Variants in NIN observed in about 807,000 individuals in gnomAD.
NIN encodes ninein.
NIN carries 137 observed loss-of-function variants against 257.6 expected under a neutral mutation model. The ratio of observed to expected loss-of-function variants is 0.53; its 90% CI spans 0.46 to 0.61. NIN has a LOEUF of 0.61. Ranked by LOEUF, NIN falls within the 20% of genes least tolerant of loss-of-function variation. NIN has a pLI of 0.00. For synonymous variants in NIN, 918 were observed against 919.8 expected (o/e 1.00, Z 0.04); for missense variants, 2,439 against 2,501.2 (o/e 0.98, Z 0.53).
At chr14:50,803,903 C>CTTT (rs201026801) in intron 4 of NIN, among the ~76,000 whole-genome samples, 3 of 142,746 alleles carry the variant, frequency 2.1e-5, no homozygotes, top group South Asian at 2.2e-4. Context: ...CTTTTTTCTT[C>CTTT]TTTTTTTTTT....
At chr14:50,772,198 C>A in intron 9 of NIN, 103 bp downstream of exon 9, 1 of 1,068,684 alleles carries the variant, frequency 9.4e-7, no homozygotes, top group Non-Finnish European at 1.3e-6. Context: ...AACAGAAGTA[C>A]CATTAAGAAG....
At chr14:50,773,583 A>G (rs1453475926) in intron 7 of NIN, among the ~76,000 whole-genome samples, 2 of 152,248 alleles carry the variant, frequency 1.3e-5, no homozygotes, top group Non-Finnish European at 2.9e-5. Context: ...ACAGATTACA[A>G]TGATCTGATT....
At chr14:50,805,295 A>C (rs2044275491) in intron 4 of NIN, among the ~76,000 whole-genome samples, 1 of 152,210 alleles carries the variant, frequency 6.6e-6, no homozygotes, top group Non-Finnish European at 1.5e-5. Context: ...AACACCAATA[A>C]AATGAGACCA....
At position 50,821,370 on chromosome 14, in the gene NIN, G is replaced by A. The variant is rs559572320; in HGVS notation, c.183+504C>T. 4.6e-5 allele frequency among the ~76,000 whole-genome samples: 7 copies of A among 152,322 alleles called. No homozygotes were observed. The East Asian group carries it at 7.7e-4, about 17-fold the overall frequency. On this transcript the variant is annotated intron_variant, in intron 3 of 30. Coordinates refer to ENST00000530997, the MANE Select transcript of NIN (RefSeq NM_020921.4). The stretch of plus-strand genomic sequence containing the variant: ...CACACATCCCTGCTGGAAGCAAGCC[G>A]TGCTGGGTTTTAAATGAACCTGCAC...
chr14:50,790,316 A>G (rs1004013317), intron 5 of NIN, among the ~76,000 whole-genome samples: 11 of 152,198 alleles, frequency 7.2e-5, no homozygotes, highest in Non-Finnish European at 1.3e-4. Flanking sequence ...TTGGCCTCCC[A>G]AAGTGCTGGG....
intron 14 of NIN, 54 bp downstream of exon 14, chr14:50,766,253 T>TG: frequency 1.5e-6 from 2 of 1,377,452 alleles, no homozygotes; most frequent in Non-Finnish European, 2.1e-6. Context: ...ACGGGGAAGC[T>TG]GGGGTCTGAA....
At chr14:50,826,140 C>A (rs562571598) in intron 2 of NIN, among the ~76,000 whole-genome samples, 4 of 152,112 alleles carry the variant, frequency 2.6e-5, no homozygotes, top group Non-Finnish European at 5.9e-5. Flanking sequence ...TAACTGGTAC[C>A]CACCAGAGGC....
At chr14:50,729,909 C>T (rs1197899010) in intron 28 of NIN, among the ~76,000 whole-genome samples, 186 bp from the exon 29 acceptor site, 1 of 152,216 alleles carries the variant, frequency 6.6e-6, no homozygotes, top group Non-Finnish European at 1.5e-5. Context: ...TTTCGCTTAG[C>T]AGAGAATATG....
intron 2 of NIN, chr14:50,823,220 A>T (rs755663388): frequency 3.5e-6 from 2 of 574,386 alleles, no homozygotes; most frequent in Non-Finnish European, 7.0e-6. Flanking sequence ...TGAAAGCCTG[A>T]AACCTGCACA....
rs187980515 is a variant in NIN, at chr14:50,815,574, T to C, written c.183+6300A>G. Among the ~76,000 whole-genome samples the C allele has an allele frequency of 8.2e-4, 125 of 152,332 alleles. 2 individuals are homozygous for C. Among genetic ancestry groups the C allele is most frequent in the East Asian group, 3.1e-3 (16 of 5,180 alleles). On this transcript the variant is annotated intron_variant, in intron 3 of 30. Transcript: ENST00000530997. ...CAAAGGAATATAAGTCATTATATTA[T>C]GAAGATATATGCATGCATATGTTCA...
chr14:50,793,315 C>T (rs2043684615), intron 4 of NIN, among the ~76,000 whole-genome samples: 2 of 151,830 alleles, frequency 1.3e-5, no homozygotes, highest in Admixed American at 1.3e-4. Context: ...ACTCAGTATC[C>T]ACATCAATTA....
chr14:50,821,853 A>G (rs1051309753), intron 3 of NIN, 21 bp downstream of exon 3: 1 of 1,598,906 alleles, frequency 6.3e-7, no homozygotes, highest in African/African-American at 1.3e-5. Flanking sequence ...TCCCATAGCC[A>G]CGTTCTTCCC....
chr14:50,761,822 T>C lies in NIN; in HGVS notation c.1864A>G (p.Ile622Val), dbSNP rs1160793662. The C allele has an allele frequency of 1.2e-6, 2 of 1,614,056 alleles. No homozygotes were observed. The highest frequency in any genetic ancestry group is 3.3e-5 in the Admixed American group (2 of 60,008). Reference protein sequence around the residue: ...EQMKEQHHRDICCLRLELEDK... With the variant: ...EQMKEQHHRDVCCLRLELEDK... Reference sequence around the variant, plus strand: ...TCGAGCTCCAGTCTGAGGCAACATATGTCCCTGTGATGTTGTTCTTTCATC... The same window carrying C: ...TCGAGCTCCAGTCTGAGGCAACATACGTCCCTGTGATGTTGTTCTTTCATC... The change falls in exon 16 of 31, where the codon ATA becomes GTA. Residue 622 changes from isoleucine to valine, a missense_variant. Transcript: ENST00000530997.
rs149712058 is a variant in NIN, at chr14:50,729,680, T to G, written c.5921A>C (p.His1974Pro). ...CTGGAGCAGCTGCAAATCCCAAGCA[T>G]GAGGGGACGGGCTAGGCGTCGCAGT... ...RSTATPSPSP[H>P]AWDLQLLQQQ... is the part of the protein sequence containing the mutation. The change falls in exon 29 of 31, where the codon CAT becomes CCT. Residue 1974 changes from histidine to proline, a missense_variant. His to Pro is a moderately conservative substitution (Grantham distance 77). This residue lies in a region of NIN where 2,043 missense variants were observed against 2,050.2 expected (regional missense o/e 1.00). Coordinates refer to ENST00000530997, the MANE Select transcript of NIN (RefSeq NM_020921.4). 3 of 1,613,204 alleles carry G rather than the reference T, an allele frequency of 1.9e-6. No individual in the cohort carries two copies. The African/African-American group carries it at 4.0e-5, about 22-fold the overall frequency.
chr14:50,725,557 A>C (rs935301871), intron 30 of NIN, among the ~76,000 whole-genome samples: 1 of 151,968 alleles, frequency 6.6e-6, no homozygotes, highest in African/African-American at 2.4e-5. Context: ...ATCATTTTTC[A>C]ATTTAAATAG....
chr14:50,727,904 G>GA (rs1555372504), intron 29 of NIN, among the ~76,000 whole-genome samples: 2 of 152,142 alleles, frequency 1.3e-5, no homozygotes, highest in African/African-American at 4.8e-5. Context: ...ATGCAGAAGA[G>GA]ATCACATCAC....
intron 7 of NIN, among the ~76,000 whole-genome samples, chr14:50,774,159 A>G (rs1299855470): frequency 2.0e-5 from 3 of 152,254 alleles, no homozygotes; most frequent in Non-Finnish European, 2.9e-5. Context: ...GTAAGGAGAC[A>G]GAATAAGCAA....
chr14:50,782,611 C>A (rs2043180068), intron 5 of NIN, among the ~76,000 whole-genome samples: 1 of 152,162 alleles, frequency 6.6e-6, no homozygotes. Context: ...GGTTGAAGGA[C>A]TATGGGAAAC....
At chr14:50,805,235 A>C (rs2044271870) in intron 4 of NIN, among the ~76,000 whole-genome samples, 1 of 152,208 alleles carries the variant, frequency 6.6e-6, no homozygotes. Flanking sequence ...CAGGCCCCCC[A>C]GATGTCGCAC....
Sources: allele counts gnomAD v4.1 joint callset (sites outside exome capture counted in the v4.1 genomes callset), GRCh38; gene constraint gnomAD v4.1.1; regional missense constraint gnomAD v4.1.1; transcripts MANE v1.5; gene names NCBI Gene and HGNC (gene_info 2026-07-23, HGNC 2026-07-21).